Variants in TCF12 observed in about 807,000 individuals in gnomAD.
TCF12 encodes DNA-binding protein HTF4.
A neutral mutation model predicts 86.0 loss-of-function variants in TCF12; 45 were observed. That is an observed-to-expected ratio of 0.52 (90% CI 0.41 to 0.67). The LOEUF is 0.67. Ranked by LOEUF, TCF12 falls within the 30% of genes least tolerant of loss-of-function variation. The pLI, the probability that TCF12 is intolerant of heterozygous loss-of-function variation, is 0.00. For missense variants in TCF12, 881 were observed against 859.9 expected (o/e 1.02, Z -0.31); for synonymous variants, 330 against 299.6 (o/e 1.10, Z -1.05).
chr15:56,968,356 CTTTTTTTG>C (rs2062111295), intron 3 of TCF12, among the ~76,000 whole-genome samples: 1 of 131,030 alleles, frequency 7.6e-6, no homozygotes, highest in Non-Finnish European at 1.6e-5. Context: ...TTCATATTAC[CTTTTTTTG>C]TTTTTTTTTT....
intron 5 of TCF12, among the ~76,000 whole-genome samples, chr15:57,138,591 A>G (rs1567499314): frequency 6.6e-6 from 1 of 152,188 alleles, no homozygotes. Flanking sequence ...CATATATTCC[A>G]CTTTATAAAC....
intron 3 of TCF12, among the ~76,000 whole-genome samples, chr15:57,029,355 CT>C (rs1262583376): frequency 1.3e-4 from 20 of 151,964 alleles, no homozygotes; most frequent in African/African-American, 4.8e-4. Context: ...GCCTACCTGA[CT>C]TTGTTTTTCT....
chr15:57,192,974 C>G (rs1441091226), intron 7 of TCF12, among the ~76,000 whole-genome samples: 2 of 152,146 alleles, frequency 1.3e-5, no homozygotes, highest in African/African-American at 4.8e-5. Flanking sequence ...TGAGACTTAA[C>G]TAGTTTTCCT....
At chr15:57,181,924 A>G (rs1196318299) in intron 6 of TCF12, among the ~76,000 whole-genome samples, 2 of 152,186 alleles carry the variant, frequency 1.3e-5, no homozygotes, top group Non-Finnish European at 2.9e-5. Context: ...AAATGTCTGG[A>G]TGACTGTATC....
chr15:57,055,950 C>G lies in TCF12; in HGVS notation c.149-7800C>G, dbSNP rs955657029. Among the ~76,000 whole-genome samples, 5 of 151,948 alleles carry G rather than the reference C, an allele frequency of 3.3e-5. No individual in the cohort carries two copies. The South Asian group carries it at 6.2e-4, about 19-fold the overall frequency. On this transcript the variant is annotated intron_variant, in intron 3 of 20. Coordinates refer to ENST00000333725, the MANE Select transcript of TCF12 (RefSeq NM_207037.2). ...GTCTTTTAAATATCTTCCCTTAGGT[C>G]TCTGAGGCCCTGTTTGTTTTCTTTT...
intron 3 of TCF12, among the ~76,000 whole-genome samples, chr15:57,007,868 T>TC: frequency 7.5e-5 from 2 of 26,748 alleles, no homozygotes; most frequent in African/African-American, 2.8e-4. Context: ...CTTCCTTCCT[T>TC]CCTTCCTTCC....
intron 4 of TCF12, among the ~76,000 whole-genome samples, chr15:57,071,511 T>C (rs1007589263): frequency 2.6e-5 from 4 of 152,136 alleles, no homozygotes; most frequent in Non-Finnish European, 5.9e-5. Flanking sequence ...TGGTGTTGGC[T>C]GTAGTCCCAG....
rs574641305 is a variant in TCF12, at chr15:57,119,132, C to A, written c.325+27241C>A. Among the ~76,000 whole-genome samples the A allele has an allele frequency of 3.3e-5, 5 of 152,094 alleles. No individual in the cohort carries two copies. In the East Asian group the frequency reaches 7.7e-4, roughly 24 times the overall value. On this transcript the variant is annotated intron_variant, in intron 5 of 20. Transcript: ENST00000333725. ...TTTTTGTGACGGAGTCTCACTCTTTCACCAGGCTGGAGTGCAGTGGCACGA... is the reference window on the plus strand; with the variant it reads ...TTTTTGTGACGGAGTCTCACTCTTTAACCAGGCTGGAGTGCAGTGGCACGA...
At chr15:57,054,285 G>A (rs1427103054) in intron 3 of TCF12, among the ~76,000 whole-genome samples, 1 of 152,180 alleles carries the variant, frequency 6.6e-6, no homozygotes, top group Middle Eastern at 3.2e-3. Flanking sequence ...ATAGCAAATT[G>A]TGTTAGGTAA....
chr15:57,026,309 A>C (rs1343042762), intron 3 of TCF12, among the ~76,000 whole-genome samples: 4 of 152,212 alleles, frequency 2.6e-5, no homozygotes, highest in Non-Finnish European at 5.9e-5. Context: ...CATCATTTCC[A>C]TGTCAGGTTA....
At chr15:56,968,365 T>G (rs1216456457) in intron 3 of TCF12, among the ~76,000 whole-genome samples, 1 of 16,618 alleles carries the variant, frequency 6.0e-5, no homozygotes. Context: ...CCTTTTTTTG[T>G]TTTTTTTTTT....
At chr15:57,075,835 T>TTTCTCTCTTTTCTTTCTTTC (rs1555498796) in intron 4 of TCF12, among the ~76,000 whole-genome samples, 14 of 49,990 alleles carry the variant, frequency 2.8e-4, no homozygotes, top group Admixed American at 4.8e-4. Flanking sequence ...TCTCTCTCTC[T>TTTCTCTCTTTTCTTTCTTTC]TTTCTTTCTT....
intron 3 of TCF12, chr15:57,001,366 A>G (rs1221374255): frequency 1.1e-5 from 2 of 181,600 alleles, no homozygotes; most frequent in Non-Finnish European, 1.2e-5. Context: ...AGATTTGAAT[A>G]CCAGCCTCCA....
At chr15:57,050,913 CTT>C (rs562089594) in intron 3 of TCF12, among the ~76,000 whole-genome samples, 228 of 152,182 alleles carry the variant, frequency 1.5e-3, no homozygotes, top group African/African-American at 5.3e-3. Flanking sequence ...TTTTGACTGT[CTT>C]TTTCTTAAAG....
chr15:57,084,465 G>T lies in TCF12; in HGVS notation c.223-7324G>T, dbSNP rs193143954. ...ATGTACCGGGTCCTGTGACTTACAG[G>T]ATAATATAAACCAGTTCTTGCCAAA... On this transcript the variant is annotated intron_variant, in intron 4 of 20. Coordinates refer to ENST00000333725, the MANE Select transcript of TCF12 (RefSeq NM_207037.2). Among the ~76,000 whole-genome samples, 553 of 152,250 alleles carry T rather than the reference G, an allele frequency of 3.6e-3. 5 individuals are homozygous for T. Among genetic ancestry groups the T allele is most frequent in the African/African-American group, 0.013 (525 of 41,558 alleles).
intron 3 of TCF12, among the ~76,000 whole-genome samples, chr15:57,055,383 G>C (rs371147928): frequency 4.6e-5 from 7 of 152,152 alleles, no homozygotes; most frequent in Non-Finnish European, 7.4e-5. Context: ...CCTGGGTGAC[G>C]AGCAAAAACT....
intron 3 of TCF12, among the ~76,000 whole-genome samples, chr15:56,947,318 T>C (rs2061049143): frequency 6.6e-6 from 1 of 152,128 alleles, no homozygotes; most frequent in African/African-American, 2.4e-5. Context: ...TGTGATTTGC[T>C]CTTAGTAATA....
intron 8 of TCF12, among the ~76,000 whole-genome samples, chr15:57,229,809 G>A (rs531131966): frequency 1.1e-4 from 17 of 151,988 alleles, no homozygotes; most frequent in South Asian, 1.0e-3. Flanking sequence ...TGCAAGTAGT[G>A]TTAACACCAT....
intron 8 of TCF12, among the ~76,000 whole-genome samples, chr15:57,218,263 G>A (rs999872325): frequency 1.1e-4 from 17 of 152,050 alleles, no homozygotes; most frequent in South Asian, 8.3e-4. Flanking sequence ...ATACAATCCC[G>A]TTAGAACCTA....
Sources: gnomAD v4.1 joint callset for allele counts (sites outside exome capture counted in the v4.1 genomes callset) on GRCh38, gnomAD v4.1.1 for gene constraint, MANE v1.5 for transcripts, NCBI Gene and HGNC (gene_info 2026-07-23, HGNC 2026-07-21) for gene names.